LMO7: variants seen among roughly 807,000 people sequenced by gnomAD.
The protein encoded by LMO7 is LIM domain only protein 7.
In LMO7, 120 loss-of-function variants were observed where a neutral mutation model predicts 206.5. That is an observed-to-expected ratio of 0.58 (90% CI 0.50 to 0.68). The LOEUF (loss-of-function observed/expected upper bound fraction) is 0.68, where lower values mean the gene tolerates loss of function less well. LMO7 is among the 30% of genes least tolerant of loss of function. The pLI is 0.00. For synonymous variants in LMO7, 706 were observed against 681.5 expected (o/e 1.04, Z -0.56); for missense variants, 1,959 against 1,957.9 (o/e 1.00, Z -0.01).
At chr13:75,684,786 T>A (rs913868905) in intron 1 of LMO7, among the ~76,000 whole-genome samples, 2 of 151,532 alleles carry the variant, frequency 1.3e-5, no homozygotes, top group African/African-American at 4.9e-5. Flanking sequence ...TATATACGTA[T>A]GTGTATATAT....
At chr13:75,738,749 G>T (rs2046173285) in intron 3 of LMO7, among the ~76,000 whole-genome samples, 2 of 152,098 alleles carry the variant, frequency 1.3e-5, no homozygotes, top group African/African-American at 4.8e-5. Context: ...TGAAAAACAG[G>T]TGAGATATCC....
chr13:75,776,670 C>T (rs1345356769), intron 4 of LMO7, among the ~76,000 whole-genome samples: 1 of 152,110 alleles, frequency 6.6e-6, no homozygotes, highest in Non-Finnish European at 1.5e-5. Context: ...CTCTGGAGCA[C>T]GTTATCCCAC....
At chr13:75,650,947 G>A (rs1325228122) in intron 1 of LMO7, among the ~76,000 whole-genome samples, 2 of 152,128 alleles carry the variant, frequency 1.3e-5, no homozygotes, top group Admixed American at 6.5e-5. Context: ...AGCCCAATGA[G>A]CTATTTTAGA....
chr13:75,643,912 T>G (rs1389477627), intron 1 of LMO7, among the ~76,000 whole-genome samples: 2 of 152,174 alleles, frequency 1.3e-5, no homozygotes, highest in Middle Eastern at 3.2e-3. Context: ...CTTGAGTGCA[T>G]TTTTATGTTG....
chr13:75,636,448 G>C lies in LMO7; in HGVS notation c.-210G>C, dbSNP rs1188678861. ...GGTCGCTTTCAGGAGTTTAGAGAAA[G>C]CCAGGTCTTCACGTTCGTGTAGGTT... On this transcript the variant is annotated 5_prime_UTR_variant, in exon 1 of 31. Coordinates refer to ENST00000377534, the MANE Select transcript of LMO7 (RefSeq NM_001306080.2). 1 of 1,408,740 alleles carries C rather than the reference G, an allele frequency of 7.1e-7. No homozygotes were observed. Among genetic ancestry groups the C allele is most frequent in the Non-Finnish European group, 9.2e-7 (1 of 1,086,260 alleles). 87.3% of individuals were successfully genotyped at this position (1,408,740 alleles called of 1,614,324 possible). A position where few individuals can be genotyped will look rare whatever the true frequency, so the allele number is the denominator to read the frequency against.
intron 4 of LMO7, among the ~76,000 whole-genome samples, chr13:75,764,743 T>C (rs1166537059): frequency 2.0e-5 from 3 of 152,184 alleles, no homozygotes; most frequent in African/African-American, 7.2e-5. Context: ...CCCCTTACCA[T>C]TCCAATCCAG....
At chr13:75,707,413 T>A (rs2138001203) in intron 1 of LMO7, among the ~76,000 whole-genome samples, 1 of 152,254 alleles carries the variant, frequency 6.6e-6, no homozygotes, top group East Asian at 1.9e-4. Flanking sequence ...GAATTTCAAT[T>A]TCATGTCATT....
chr13:75,735,953 A>G (rs1042988650), intron 3 of LMO7, among the ~76,000 whole-genome samples: 7 of 152,160 alleles, frequency 4.6e-5, no homozygotes, highest in African/African-American at 9.7e-5. Context: ...TCTTGGATCA[A>G]TTACATGCAT....
At chr13:75,799,616 G>C (rs1329848679) in intron 6 of LMO7, among the ~76,000 whole-genome samples, 1 of 151,924 alleles carries the variant, frequency 6.6e-6, no homozygotes, top group African/African-American at 2.4e-5. Flanking sequence ...TTTTTATTTT[G>C]AATCATGACT....
intron 3 of LMO7, among the ~76,000 whole-genome samples, chr13:75,753,494 T>C (rs2047437063): frequency 6.6e-6 from 1 of 152,202 alleles, no homozygotes. Context: ...ACTAGTGATA[T>C]GGTTTGGCTG....
chr13:75,685,302 C>T (rs914776889), intron 1 of LMO7, among the ~76,000 whole-genome samples: 4 of 152,252 alleles, frequency 2.6e-5, no homozygotes, highest in Non-Finnish European at 5.9e-5. Flanking sequence ...CTGTGCTGGC[C>T]TCTGGGAATG....
At chr13:75,842,441 A>AGGTATT (rs2059624428) in intron 24 of LMO7, among the ~76,000 whole-genome samples, 1 of 151,962 alleles carries the variant, frequency 6.6e-6, no homozygotes, top group Non-Finnish European at 1.5e-5. Context: ...TTTCTAGAAT[A>AGGTATT]CCTGATTTAA....
intron 18 of LMO7, among the ~76,000 whole-genome samples, chr13:75,836,037 T>A (rs1220684243): frequency 6.6e-6 from 1 of 152,158 alleles, no homozygotes; most frequent in Non-Finnish European, 1.5e-5. Context: ...AATAAGGAGC[T>A]CTTACTATAT....
chr13:75,716,684 C>A (rs764719354), intron 2 of LMO7, among the ~76,000 whole-genome samples: 1 of 151,976 alleles, frequency 6.6e-6, no homozygotes, highest in Non-Finnish European at 1.5e-5. Context: ...TCTTAGTGTT[C>A]ATGTGGACTG....
chr13:75,833,933 G>A (rs1203932111), intron 16 of LMO7, among the ~76,000 whole-genome samples: 1 of 152,046 alleles, frequency 6.6e-6, no homozygotes, highest in Non-Finnish European at 1.5e-5. Context: ...TCAAATTTAA[G>A]AGTAACTTAA....
intron 1 of LMO7, among the ~76,000 whole-genome samples, chr13:75,680,539 C>T (rs2040389736): frequency 6.6e-6 from 1 of 151,994 alleles, no homozygotes; most frequent in South Asian, 2.1e-4. Context: ...TCCTATTTCT[C>T]CACAGCCTTG....
At chr13:75,741,265 C>A (rs2046389853) in intron 3 of LMO7, among the ~76,000 whole-genome samples, 1 of 152,150 alleles carries the variant, frequency 6.6e-6, no homozygotes, top group African/African-American at 2.4e-5. Context: ...TCCTTAAAAA[C>A]AAAACACCAA....
Position 75,836,469 on chromosome 13 carries a change from CT to C in LMO7, c.3394+15del. 7.6e-7 allele frequency: 1 copy of C among 1,316,656 alleles called. No individual in the cohort carries two copies. Among genetic ancestry groups the C allele is most frequent in the Non-Finnish European group, 1.1e-6 (1 of 940,842 alleles). The allele number at this position is 1,316,656 out of a possible 1,614,324, so 81.6% of individuals were successfully genotyped here. ...TTTTGAATCAAAAGGTAAATATCAC[CT>C]TTATAACTTACATTTATAATACAGG... On this transcript the variant is annotated intron_variant, in intron 19 of 30. Coordinates refer to ENST00000377534, the MANE Select transcript of LMO7 (RefSeq NM_001306080.2).
intron 4 of LMO7, among the ~76,000 whole-genome samples, chr13:75,789,340 T>G (rs960668421): frequency 2.6e-5 from 4 of 152,138 alleles, no homozygotes; most frequent in African/African-American, 9.7e-5. Flanking sequence ...TAGGAGGTTA[T>G]GTTATTTAGG....
Sources: gnomAD v4.1 joint callset for allele counts (sites outside exome capture counted in the v4.1 genomes callset) on GRCh38, gnomAD v4.1.1 for gene constraint, MANE v1.5 for transcripts, NCBI Gene and HGNC (gene_info 2026-07-23, HGNC 2026-07-21) for gene names.